PTPRT: variants seen among roughly 807,000 people sequenced by gnomAD.
The protein encoded by PTPRT is receptor-type tyrosine-protein phosphatase T.
PTPRT carries 56 observed loss-of-function variants against 176.8 expected under a neutral mutation model. The observed-to-expected ratio is 0.32, with a 90% CI of 0.26 to 0.40. The LOEUF (loss-of-function observed/expected upper bound fraction) is 0.40. Ranked by LOEUF, PTPRT falls within the 10% of genes least tolerant of loss-of-function variation. PTPRT has a pLI of 1.00. For synonymous variants in PTPRT, 783 were observed against 739.0 expected, an observed-to-expected ratio of 1.06 and a Z score of -0.96; for missense variants, 1,540 against 1,908.2, an observed-to-expected ratio of 0.81 and a Z score of 3.60.
At chr20:42,834,338 A>C (rs2078144359) in intron 2 of PTPRT, among the ~76,000 whole-genome samples, 1 of 152,182 alleles carries the variant, frequency 6.6e-6, no homozygotes. Context: ...CTAAAATTTA[A>C]AACAAAGGGG....
intron 7 of PTPRT, among the ~76,000 whole-genome samples, chr20:42,491,318 G>A (rs547583040): frequency 6.6e-6 from 1 of 152,278 alleles, no homozygotes; most frequent in Admixed American, 6.5e-5. Flanking sequence ...TGGACAAATG[G>A]ATGATGCACA....
At chr20:43,004,475 C>A (rs75053395) in intron 1 of PTPRT, among the ~76,000 whole-genome samples, 5,980 of 152,282 alleles carry the variant, frequency 0.039, 376 homozygotes, top group African/African-American at 0.13. Flanking sequence ...TGGTACCTGA[C>A]AGACTGGCAA....
rs560984519 is a variant in PTPRT, at chr20:42,809,097, C to A, written c.215-17631G>T. Among the ~76,000 whole-genome samples the A allele has an allele frequency of 4.6e-5, 7 of 152,248 alleles. No individual in the cohort carries two copies. In the South Asian group the frequency reaches 8.3e-4, roughly 18 times the overall value. ...TCAACAAGCAATATGTGACTTGGGT[C>A]ACAGAGGATGTGGCTGCAGCAAGGA... On this transcript the variant is annotated intron_variant, in intron 2 of 30. Transcript: ENST00000373187.
intron 16 of PTPRT, among the ~76,000 whole-genome samples, chr20:42,184,002 T>C (rs73260991): frequency 0.014 from 2,070 of 152,224 alleles, 42 homozygotes; most frequent in African/African-American, 0.048. Context: ...GTTACAGTCA[T>C]TTTAGCATAG....
chr20:42,915,904 T>C (rs914640833), intron 1 of PTPRT, among the ~76,000 whole-genome samples: 1 of 151,958 alleles, frequency 6.6e-6, no homozygotes, highest in Non-Finnish European at 1.5e-5. Context: ...CCCGGCCCGC[T>C]ATTGTTTTTA....
chr20:42,397,210 G>A (rs578092007), intron 9 of PTPRT, among the ~76,000 whole-genome samples: 53 of 152,262 alleles, frequency 3.5e-4, no homozygotes, highest in African/African-American at 1.2e-3. Flanking sequence ...AAAATATTGC[G>A]TTAATTAAAA....
chr20:42,278,104 T>G (rs1288367146), intron 13 of PTPRT, among the ~76,000 whole-genome samples: 4 of 81,906 alleles, frequency 4.9e-5, no homozygotes, highest in Non-Finnish European at 7.4e-5. Context: ...TATATATATA[T>G]ATATATATAT....
At chr20:42,980,836 G>T (rs904732538) in intron 1 of PTPRT, among the ~76,000 whole-genome samples, 1 of 152,092 alleles carries the variant, frequency 6.6e-6, no homozygotes, top group Non-Finnish European at 1.5e-5. Flanking sequence ...AATTCTGCTG[G>T]TCATTTACTA....
intron 1 of PTPRT, among the ~76,000 whole-genome samples, chr20:43,083,078 C>A (rs1481678155): frequency 6.6e-6 from 1 of 151,834 alleles, no homozygotes; most frequent in African/African-American, 2.4e-5. Context: ...GCTGCAGCGC[C>A]CGAATAAAGC....
intron 1 of PTPRT, among the ~76,000 whole-genome samples, chr20:42,947,282 G>A (rs1449039367): frequency 6.6e-6 from 1 of 152,170 alleles, no homozygotes; most frequent in East Asian, 1.9e-4. Flanking sequence ...GTTTTGTTTA[G>A]ACTAGAGAGA....
chr20:42,844,290 C>T (rs923065823), intron 2 of PTPRT, among the ~76,000 whole-genome samples: 8 of 152,128 alleles, frequency 5.3e-5, no homozygotes, highest in African/African-American at 1.9e-4. Context: ...AAACATACCC[C>T]GGGTTCAGGG....
intron 2 of PTPRT, among the ~76,000 whole-genome samples, chr20:42,882,348 G>T (rs1308442716): frequency 6.6e-6 from 1 of 152,178 alleles, no homozygotes; most frequent in Non-Finnish European, 1.5e-5. Context: ...AAGCCCAGAA[G>T]ATTGTATTAG....
chr20:42,886,524 A>G (rs2079105878), intron 1 of PTPRT, among the ~76,000 whole-genome samples: 1 of 152,258 alleles, frequency 6.6e-6, no homozygotes, highest in South Asian at 2.1e-4. Flanking sequence ...TTCTCTGTAA[A>G]AAGCAGTCTG....
At chr20:42,140,377 T>A (rs1191381811) in intron 18 of PTPRT, among the ~76,000 whole-genome samples, 1 of 152,202 alleles carries the variant, frequency 6.6e-6, no homozygotes, top group Non-Finnish European at 1.5e-5. Context: ...TTAGAATACA[T>A]GCTTAGCATT....
At chr20:42,119,785 C>T in intron 20 of PTPRT, 150 bp downstream of exon 20, 2 of 624,158 alleles carry the variant, frequency 3.2e-6, no homozygotes, top group East Asian at 6.0e-5. Context: ...CTGGTGGAAA[C>T]TCATTCCTCT....
chr20:42,816,204 A>G (rs977845090), intron 2 of PTPRT, among the ~76,000 whole-genome samples: 2 of 152,204 alleles, frequency 1.3e-5, no homozygotes, highest in African/African-American at 4.8e-5. Flanking sequence ...AAATAAGAGA[A>G]GTTGATAGCT....
chr20:42,318,641 T>G (rs930473083), intron 11 of PTPRT, among the ~76,000 whole-genome samples: 2 of 152,146 alleles, frequency 1.3e-5, no homozygotes, highest in Non-Finnish European at 2.9e-5. Flanking sequence ...AAGGAACCAA[T>G]AGCCTCATCC....
rs752547377 is a variant in PTPRT at position 42,169,791 on chromosome 20, C to CACACACACAA, written c.2492-8250_2492-8249insTTGTGTGTGT. 3.8e-3 allele frequency among the ~76,000 whole-genome samples: 369 copies of CACACACACAA among 98,394 alleles called. 5 individuals are homozygous for CACACACACAA. The highest frequency in any genetic ancestry group is 0.011 in the African/African-American group (332 of 30,578). The allele number at this position is 98,394 out of a possible 152,430, so 64.6% of individuals were successfully genotyped here. A position where few individuals can be genotyped will look rare whatever the true frequency, so the allele number is the denominator to read the frequency against. ...ACACACACACACACACACACACACACAACAGTCAGTATTGACTGTTGACCC... is the reference window on the plus strand; with the variant it reads ...ACACACACACACACACACACACACACACACACACAAAACAGTCAGTATTGACTGTTGACCC... On this transcript the variant is annotated intron_variant, in intron 16 of 30. Transcript: ENST00000373187.
At chr20:42,567,075 C>G (rs1374849569) in intron 7 of PTPRT, among the ~76,000 whole-genome samples, 1 of 152,062 alleles carries the variant, frequency 6.6e-6, no homozygotes, top group African/African-American at 2.4e-5. Context: ...AGTTCGAGAC[C>G]AGCCTGGCCA....
Sources: gnomAD v4.1 joint callset for allele counts (sites outside exome capture counted in the v4.1 genomes callset) on GRCh38, gnomAD v4.1.1 for gene constraint, MANE v1.5 for transcripts, NCBI Gene and HGNC (gene_info 2026-07-23, HGNC 2026-07-21) for gene names.